The following TTC39B variants were observed in gnomAD, a reference collection of about 807,000 sequenced individuals.
TTC39B encodes tetratricopeptide repeat domain 39B.
A neutral mutation model predicts 96.6 loss-of-function variants in TTC39B; 92 were observed. The observed-to-expected ratio is 0.95, with a 90% confidence interval of 0.80 to 1.13. TTC39B has a LOEUF of 1.13. TTC39B is among the 50% of genes most tolerant of loss of function. TTC39B has a pLI of 0.00. For synonymous variants in TTC39B, 367 were observed against 299.4 expected, an observed-to-expected ratio of 1.23 and a Z score of -2.33; for missense variants, 955 against 809.3, an observed-to-expected ratio of 1.18 and a Z score of -2.18.
Position 15,189,609 on chromosome 9 carries a change from C to A in TTC39B, c.1198G>T (p.Ala400Ser), listed in dbSNP as rs137958437. Residue 400 changes from alanine to serine, a missense_variant, in exon 13 of 20, where the codon GCC becomes TCC. Ala to Ser is a moderately conservative substitution (Grantham distance 99, BLOSUM62 1). Transcript: ENST00000512701. ...TTCCCTTTCAGCAACTCTATTCGGG[C>A]ATGATAAAACAACACGAGTGAGCCC... The A allele has an allele frequency of 1.2e-5, 19 of 1,613,978 alleles. No individual in the cohort carries two copies. The African/African-American group carries it at 2.5e-4, about 22-fold the overall frequency.
intron 1 of TTC39B, among the ~76,000 whole-genome samples, chr9:15,282,512 T>C (rs562818397): frequency 1.3e-5 from 2 of 152,346 alleles, no homozygotes; most frequent in African/African-American, 2.4e-5. Context: ...ATGTAAGTTA[T>C]ACCATGAGAA....
At chr9:15,214,060 T>A in intron 4 of TTC39B, 79 bp downstream of exon 4, 1 of 1,117,218 alleles carries the variant, frequency 9.0e-7, no homozygotes. Flanking sequence ...AACAGCTAAA[T>A]TAATTTACAA....
chr9:15,210,035 A>C (rs1820102680), intron 6 of TTC39B, 53 bp downstream of exon 6: 6 of 1,275,628 alleles, frequency 4.7e-6, no homozygotes, highest in Admixed American at 2.0e-5. Flanking sequence ...TTATGAGATG[A>C]TCATTTAACT....
chr9:15,296,854 A>C (rs10121612), intron 1 of TTC39B, among the ~76,000 whole-genome samples: 36,878 of 152,050 alleles, frequency 0.24, 5,009 homozygotes, highest in Non-Finnish European at 0.29. Context: ...CTGTAGTCTC[A>C]GCACTTTGAG....
intron 2 of TTC39B, among the ~76,000 whole-genome samples, chr9:15,248,680 A>G (rs1211072768): frequency 6.6e-6 from 1 of 152,224 alleles, no homozygotes; most frequent in African/African-American, 2.4e-5. Flanking sequence ...GTAAGGCAGA[A>G]TTTCCTAATT....
chr9:15,306,680 C>T lies in TTC39B; in HGVS notation c.240+404G>A, dbSNP rs1355270530. 2.0e-5 allele frequency among the ~76,000 whole-genome samples: 3 copies of T among 152,160 alleles called. No individual in the cohort carries two copies. The highest frequency in any genetic ancestry group is 7.2e-5 in the African/African-American group (3 of 41,442). ...AGATTCCCAGGTCGAGGGATGATTC[C>T]ACGAACACCCAGAGAGCCAGTGCCA... is the stretch of plus-strand genomic sequence containing the variant. On this transcript the variant is annotated intron_variant, in intron 1 of 19. Transcript: ENST00000512701. The surrounding 1 kb of genome is among the most constrained non-coding windows in gnomAD (Gnocchi z 5.1).
chr9:15,270,643 G>A (rs2131556845), intron 1 of TTC39B, among the ~76,000 whole-genome samples: 1 of 151,428 alleles, frequency 6.6e-6, no homozygotes, highest in Non-Finnish European at 1.5e-5. Context: ...TATCAAGCCA[G>A]GTGGTGCACA....
rs1824760795 is a variant in TTC39B at position 15,306,573 on chromosome 9, C to T, written c.240+511G>A. ...TGCTGTCGCGGCAGGTACCCCTCTACTCATTGTTCCTCAGGCTGCCCCCTC... is the reference window on the plus strand; with the variant it reads ...TGCTGTCGCGGCAGGTACCCCTCTATTCATTGTTCCTCAGGCTGCCCCCTC... On this transcript the variant is annotated intron_variant, in intron 1 of 19. Coordinates refer to ENST00000512701, the Ensembl canonical transcript of TTC39B. The surrounding 1 kb of genome is among the most constrained non-coding windows in gnomAD (Gnocchi z 5.1). Among the ~76,000 whole-genome samples, 1 of 152,216 alleles carries T rather than the reference C, an allele frequency of 6.6e-6. No individual in the cohort carries two copies. The highest frequency in any genetic ancestry group is 2.4e-5 in the African/African-American group (1 of 41,472).
At chr9:15,288,807 G>C (rs780787717) in intron 1 of TTC39B, among the ~76,000 whole-genome samples, 4 of 152,206 alleles carry the variant, frequency 2.6e-5, no homozygotes, top group African/African-American at 9.7e-5. Context: ...CGGAGCCCAG[G>C]GGCACTTGCC....
At chr9:15,194,971 G>A (rs1819070912) in intron 8 of TTC39B, among the ~76,000 whole-genome samples, 1 of 152,212 alleles carries the variant, frequency 6.6e-6, no homozygotes, top group Non-Finnish European at 1.5e-5. Context: ...CAAGCGAAAG[G>A]AAGATTCGCA....
chr9:15,279,131 T>C (rs1037187916), intron 1 of TTC39B, among the ~76,000 whole-genome samples: 5 of 152,230 alleles, frequency 3.3e-5, no homozygotes, highest in Admixed American at 6.5e-5. Flanking sequence ...AAACAGACAC[T>C]TAATAAATCA....
chr9:15,268,204 A>G (rs1313043627), intron 1 of TTC39B, among the ~76,000 whole-genome samples: 1 of 152,124 alleles, frequency 6.6e-6, no homozygotes, highest in Non-Finnish European at 1.5e-5. Flanking sequence ...GGCCTAATTT[A>G]AAGAGACTAT....
chr9:15,254,857 ACAC>A (rs1822693195), intron 2 of TTC39B, among the ~76,000 whole-genome samples: 2 of 138,062 alleles, frequency 1.4e-5, no homozygotes, highest in African/African-American at 6.4e-5. Context: ...ACACACACAC[ACAC>A]AAACACACAC....
At chr9:15,207,960 G>A (rs1819966557) in intron 6 of TTC39B, among the ~76,000 whole-genome samples, 2 of 142,200 alleles carry the variant, frequency 1.4e-5, no homozygotes, top group South Asian at 4.8e-4. Context: ...CTCCAGCCTG[G>A]GCAACAGAGT....
At chr9:15,297,172 C>T (rs1160182972) in intron 1 of TTC39B, among the ~76,000 whole-genome samples, 2 of 152,158 alleles carry the variant, frequency 1.3e-5, no homozygotes, top group African/African-American at 2.4e-5. Context: ...GCCTGAGGAG[C>T]GCAGTTCCCC....
chr9:15,189,872 T>C lies in TTC39B; in HGVS notation c.1106-80A>G, dbSNP rs1293559232. On this transcript the variant is annotated intron_variant, in intron 11 of 19. Transcript: ENST00000512701. ...ACCAGCTCTCCAAATTTCATTAACA[T>C]ACAGTAAAGACCTACTCATGGAAAA... is the stretch of plus-strand genomic sequence containing the variant. 6 of 908,088 alleles carry C rather than the reference T, an allele frequency of 6.6e-6. No individual in the cohort carries two copies. The Admixed American group carries it at 8.1e-5, about 12-fold the overall frequency. 56.3% of individuals were successfully genotyped at this position (908,088 alleles called of 1,614,324 possible).
At chr9:15,295,855 G>A (rs1824354843) in intron 1 of TTC39B, among the ~76,000 whole-genome samples, 1 of 152,130 alleles carries the variant, frequency 6.6e-6, no homozygotes, top group African/African-American at 2.4e-5. Context: ...CCTGGTATGG[G>A]TCAATGAGCC....
chr9:15,213,930 G>A (rs989764876), intron 4 of TTC39B, among the ~76,000 whole-genome samples: 1 of 152,088 alleles, frequency 6.6e-6, no homozygotes, highest in African/African-American at 2.4e-5. Context: ...ATTAAAATAT[G>A]CAAAACAATC....
chr9:15,294,097 A>G (rs1378960893), intron 1 of TTC39B, among the ~76,000 whole-genome samples: 1 of 152,184 alleles, frequency 6.6e-6, no homozygotes. Context: ...ATGTCATGCT[A>G]AGGTATTTGC....
Sources: gnomAD v4.1 joint callset for allele counts (sites outside exome capture counted in the v4.1 genomes callset) on GRCh38, gnomAD v4.1.1 for gene constraint, Gnocchi (gnomAD v3.1) non-coding constraint, MANE v1.5 for transcripts, NCBI Gene and HGNC (gene_info 2026-07-23, HGNC 2026-07-21) for gene names.